AKAP19: variants seen among roughly 807,000 people sequenced by gnomAD.
AKAP19 encodes small A-kinase anchoring protein.
the AKAP19 span, among the ~76,000 whole-genome samples, chr2:189,884,252 T>C: frequency 6.6e-6 from 1 of 152,188 alleles, no homozygotes; most frequent in African/African-American, 2.4e-5. Context: ...AAAGTGGCTT[T>C]AATTTTACTT....
chr2:189,961,631 G>C, the AKAP19 span, among the ~76,000 whole-genome samples: 14 of 151,812 alleles, frequency 9.2e-5, no homozygotes, highest in Non-Finnish European at 1.8e-4. Flanking sequence ...TATCAGACTC[G>C]GCTGGGCATG....
the AKAP19 span, among the ~76,000 whole-genome samples, chr2:190,021,321 T>G: frequency 6.6e-6 from 1 of 152,242 alleles, no homozygotes; most frequent in Non-Finnish European, 1.5e-5. Context: ...CACCTTATTA[T>G]AATGATTCCT....
chr2:190,046,924 A>C, the AKAP19 span, among the ~76,000 whole-genome samples: 16 of 152,346 alleles, frequency 1.1e-4, no homozygotes, highest in African/African-American at 3.6e-4. Context: ...CATTATTCTG[A>C]GAAGTGATAT....
the AKAP19 span, among the ~76,000 whole-genome samples, chr2:190,053,406 G>C: frequency 6.6e-6 from 1 of 152,088 alleles, no homozygotes; most frequent in African/African-American, 2.4e-5. Flanking sequence ...AGATAAACTT[G>C]CTATAAACCA....
chr2:190,160,905 T>A, the AKAP19 span, among the ~76,000 whole-genome samples: 1 of 152,188 alleles, frequency 6.6e-6, no homozygotes, highest in Non-Finnish European at 1.5e-5. Context: ...CTAGTCATAC[T>A]TGCTTTAAAT....
the AKAP19 span, among the ~76,000 whole-genome samples, chr2:190,145,752 A>G: frequency 6.6e-6 from 1 of 151,860 alleles, no homozygotes; most frequent in African/African-American, 2.4e-5. Flanking sequence ...CTAATAATAC[A>G]TTTCTCAGAA....
At chr2:190,034,534 CAAAAAAAAAAAAAA>C in the AKAP19 span, among the ~76,000 whole-genome samples, 114 of 68,258 alleles carry the variant, frequency 1.7e-3, no homozygotes, top group East Asian at 0.04. Context: ...GGCTACAGTG[CAAAAAAAAAAAAAA>C]AAAAAAAAAA....
At chr2:190,171,664 T>C in the AKAP19 span, among the ~76,000 whole-genome samples, 1 of 152,116 alleles carries the variant, frequency 6.6e-6, no homozygotes, top group Admixed American at 6.5e-5. Flanking sequence ...CAGAAAAAAT[T>C]TCATATTACT....
the AKAP19 span, among the ~76,000 whole-genome samples, chr2:190,195,450 A>C: frequency 2.0e-5 from 3 of 152,224 alleles, no homozygotes; most frequent in African/African-American, 7.2e-5. Context: ...ACAGTGAATG[A>C]GAGTTCTGTT....
the AKAP19 span, among the ~76,000 whole-genome samples, chr2:189,998,840 T>C: frequency 1.4e-5 from 2 of 143,030 alleles, no homozygotes; most frequent in Non-Finnish European, 3.0e-5. Context: ...TGATGCAATC[T>C]TGGCTCACTG....
At chr2:190,054,047 C>T in the AKAP19 span, among the ~76,000 whole-genome samples, 1 of 151,810 alleles carries the variant, frequency 6.6e-6, no homozygotes, top group Admixed American at 6.6e-5. Context: ...AATTGGTGCT[C>T]ACAAAGTTCA....
At chr2:189,935,780 T>G in the AKAP19 span, among the ~76,000 whole-genome samples, 2 of 152,166 alleles carry the variant, frequency 1.3e-5, no homozygotes, top group Admixed American at 1.3e-4. Context: ...AATGACTTGT[T>G]CTTTAACTTT....
the AKAP19 span, among the ~76,000 whole-genome samples, chr2:189,939,870 G>A: frequency 6.6e-6 from 1 of 152,182 alleles, no homozygotes; most frequent in Non-Finnish European, 1.5e-5. Flanking sequence ...AGTCAGTCAG[G>A]CATGGGGGCT....
chr2:189,926,692 T>G, the AKAP19 span, among the ~76,000 whole-genome samples: 2 of 147,582 alleles, frequency 1.4e-5, no homozygotes, highest in East Asian at 4.2e-4. Flanking sequence ...GCCATTCTCC[T>G]GCCTCAGCCT....
the AKAP19 span, among the ~76,000 whole-genome samples, chr2:189,981,153 G>C: frequency 6.6e-6 from 1 of 152,136 alleles, no homozygotes; most frequent in Non-Finnish European, 1.5e-5. Context: ...CTCTCTCTTA[G>C]GTCTAGCAGT....
chr2:190,006,756 C>T, the AKAP19 span, among the ~76,000 whole-genome samples: 130 of 151,814 alleles, frequency 8.6e-4, 1 homozygote, highest in African/African-American at 2.9e-3. Context: ...CGGTGGCTCA[C>T]GCCTGTAATC....
chr2:189,880,678 ACT>A, the AKAP19 span, among the ~76,000 whole-genome samples: 1 of 152,152 alleles, frequency 6.6e-6, no homozygotes, highest in African/African-American at 2.4e-5. Flanking sequence ...TTCTTGGATG[ACT>A]CAGCTTTCAG....
At chr2:189,976,823 G>T in the AKAP19 span, among the ~76,000 whole-genome samples, 2 of 152,198 alleles carry the variant, frequency 1.3e-5, no homozygotes, top group African/African-American at 4.8e-5. Context: ...AAGATTGTTG[G>T]AAAAGCGCAG....
the AKAP19 span, among the ~76,000 whole-genome samples, chr2:190,091,547 A>AACACACACACAC: frequency 0.4 from 60,054 of 150,360 alleles, 13,152 homozygotes; most frequent in South Asian, 0.67. Context: ...TCTTTTGTTA[A>AACACACACACAC]ACACACACAC....
Sources: gnomAD v4.1 joint callset for allele counts (sites outside exome capture counted in the v4.1 genomes callset) on GRCh38, gnomAD v4.1.1 for gene constraint, MANE v1.5 for transcripts, NCBI Gene and HGNC (gene_info 2026-07-23, HGNC 2026-07-21) for gene names.